The following CRPPA variants were observed in gnomAD, a reference collection of about 807,000 sequenced individuals.
CRPPA encodes D-ribitol-5-phosphate cytidylyltransferase.
A neutral mutation model predicts 52.0 loss-of-function variants in CRPPA; 43 were observed. The observed-to-expected ratio is 0.83, with a 90% CI of 0.65 to 1.07. The LOEUF (loss-of-function observed/expected upper bound fraction) is 1.07. CRPPA is among the 50% of genes least tolerant of loss of function. The probability of loss-of-function intolerance (pLI) is 0.00; values close to 1 mark genes in which losing one functional copy is unlikely to be tolerated. For missense variants in CRPPA, 629 were observed against 551.7 expected (o/e 1.14, Z -1.40); for synonymous variants, 250 against 203.5 (o/e 1.23, Z -1.94).
intron 9 of CRPPA, among the ~76,000 whole-genome samples, chr7:16,214,028 G>T (rs543337751): frequency 3.7e-4 from 56 of 152,068 alleles, no homozygotes; most frequent in Non-Finnish European, 7.5e-4. Context: ...TTTATACTAC[G>T]TATAAATGGC....
chr7:16,257,918 T>C (rs981364845), intron 8 of CRPPA, among the ~76,000 whole-genome samples: 9 of 152,108 alleles, frequency 5.9e-5, no homozygotes, highest in Non-Finnish European at 1.2e-4. Context: ...TCATAGGCCA[T>C]TCTTCCAGGA....
intron 9 of CRPPA, among the ~76,000 whole-genome samples, chr7:16,147,666 T>C (rs929989210): frequency 2.0e-5 from 3 of 152,220 alleles, no homozygotes; most frequent in African/African-American, 7.2e-5. Context: ...CTTTGAGGAA[T>C]TAAAACATGT....
intron 3 of CRPPA, among the ~76,000 whole-genome samples, chr7:16,364,761 G>T (rs1786549114): frequency 6.6e-6 from 1 of 152,068 alleles, no homozygotes; most frequent in Non-Finnish European, 1.5e-5. Context: ...ATTAAAATCT[G>T]CCCATCAAGC....
chr7:16,121,598 T>TA (rs916343689), intron 9 of CRPPA, among the ~76,000 whole-genome samples: 9 of 151,866 alleles, frequency 5.9e-5, no homozygotes, highest in African/African-American at 2.2e-4. Flanking sequence ...GATGGAGGAA[T>TA]AAAAAAAGAC....
chr7:16,274,465 A>G (rs11761666), intron 6 of CRPPA, among the ~76,000 whole-genome samples: 20,549 of 152,164 alleles, frequency 0.14, 1,554 homozygotes, highest in East Asian at 0.33. Context: ...CAGGAACGAT[A>G]TCTCCTTTCA....
chr7:16,133,171 G>C (rs1036122538), intron 9 of CRPPA, among the ~76,000 whole-genome samples: 1 of 122,074 alleles, frequency 8.2e-6, no homozygotes, highest in African/African-American at 2.7e-5. Context: ...AAAAAAGTTA[G>C]TTGGGTATGG....
intron 3 of CRPPA, among the ~76,000 whole-genome samples, chr7:16,342,798 T>TATATATATATATATATAGATATA (rs1491461185): frequency 9.9e-6 from 1 of 101,254 alleles, no homozygotes; most frequent in Admixed American, 1.2e-4. Context: ...TATATATATA[T>TATATATATATATATATAGATATA]CTATATAGAT....
intron 3 of CRPPA, among the ~76,000 whole-genome samples, chr7:16,318,911 T>C (rs1240822297): frequency 6.6e-6 from 1 of 152,166 alleles, no homozygotes; most frequent in Non-Finnish European, 1.5e-5. Context: ...ATAATTTACC[T>C]TTCATTCTGT....
At chr7:16,414,929 C>T (rs1378585222) in intron 1 of CRPPA, among the ~76,000 whole-genome samples, 3 of 152,156 alleles carry the variant, frequency 2.0e-5, no homozygotes, top group African/African-American at 7.2e-5. Context: ...AACCTATACA[C>T]ACATTCATGT....
At chr7:16,095,529 C>T (rs1185323378) in intron 9 of CRPPA, among the ~76,000 whole-genome samples, 1 of 152,134 alleles carries the variant, frequency 6.6e-6, no homozygotes, top group Non-Finnish European at 1.5e-5. Flanking sequence ...GGGTATATCA[C>T]CCTCTCACCA....
intron 9 of CRPPA, among the ~76,000 whole-genome samples, chr7:16,182,410 A>C (rs1781429611): frequency 6.6e-6 from 1 of 152,184 alleles, no homozygotes; most frequent in Non-Finnish European, 1.5e-5. Flanking sequence ...ACAAAAATAT[A>C]GATTGTCACC....
chr7:16,106,231 A>G (rs1782148235), intron 9 of CRPPA, among the ~76,000 whole-genome samples: 1 of 152,224 alleles, frequency 6.6e-6, no homozygotes, highest in South Asian at 2.1e-4. Context: ...ATTCTGCAAA[A>G]AAAACCCATC....
In CRPPA at chr7:16,118,166, C is replaced by G. The variant is rs57266995; in HGVS notation, c.1252-26367G>C. The stretch of plus-strand genomic sequence containing the variant: ...CAACCACTGTTCTATATCAACTCTT[C>G]ATGAATTGGTCTCTGAATCCAGCCA... On this transcript the variant is annotated intron_variant, in intron 9 of 9. Transcript: ENST00000407010. 3.1e-3 allele frequency among the ~76,000 whole-genome samples: 470 copies of G among 152,286 alleles called. 2 individuals carry two copies. The highest frequency in any genetic ancestry group is 0.011 in the African/African-American group (451 of 41,570).
chr7:16,289,332 G>A (rs1266169681), intron 5 of CRPPA, among the ~76,000 whole-genome samples: 1 of 152,096 alleles, frequency 6.6e-6, no homozygotes, highest in African/African-American at 2.4e-5. Context: ...TGAAGAGAAG[G>A]AAATTCTTCC....
chr7:16,304,012 G>A (rs1784850730), intron 4 of CRPPA, among the ~76,000 whole-genome samples: 1 of 152,136 alleles, frequency 6.6e-6, no homozygotes, highest in South Asian at 2.1e-4. Context: ...AGATGGTTTT[G>A]ACATTTAGAA....
chr7:16,225,311 T>TA (rs761757419), intron 8 of CRPPA, among the ~76,000 whole-genome samples: 6 of 152,114 alleles, frequency 3.9e-5, no homozygotes, highest in East Asian at 3.9e-4. Context: ...GTTTTTCAAA[T>TA]TATTTTACAA....
In CRPPA at chr7:16,348,730, A is replaced by G. The variant is rs558216595; in HGVS notation, c.684+27362T>C. On this transcript the variant is annotated intron_variant, in intron 3 of 9. Coordinates refer to ENST00000407010, the MANE Select transcript of CRPPA (RefSeq NM_001101426.4). ...CATCTGGGAGCTAACAAAGAAGACA[A>G]ACAGTAGCCTCTCAGCAGCCTGAGC... is the stretch of plus-strand genomic sequence containing the variant. Among the ~76,000 whole-genome samples the G allele has an allele frequency of 4.8e-3, 539 of 113,380 alleles. 15 individuals are homozygous for G. The highest frequency in any genetic ancestry group is 0.039 in the Admixed American group (474 of 12,022). 74.4% of individuals were successfully genotyped at this position (113,380 alleles called of 152,430 possible).
At chr7:16,161,781 C>G (rs1008946694) in intron 9 of CRPPA, among the ~76,000 whole-genome samples, 2 of 151,912 alleles carry the variant, frequency 1.3e-5, no homozygotes, top group Non-Finnish European at 2.9e-5. Context: ...TATTTGTACC[C>G]CTGGTAGAAA....
At chr7:16,420,025 G>A (rs893622909) in intron 1 of CRPPA, among the ~76,000 whole-genome samples, 2 of 152,146 alleles carry the variant, frequency 1.3e-5, no homozygotes, top group Non-Finnish European at 2.9e-5. Flanking sequence ...AACCCGTGGG[G>A]CGGTTACAAA....
Sources: allele counts gnomAD v4.1 joint callset (sites outside exome capture counted in the v4.1 genomes callset), GRCh38; gene constraint gnomAD v4.1.1; transcripts MANE v1.5; gene names NCBI Gene and HGNC (gene_info 2026-07-23, HGNC 2026-07-21).